Variants in CCDC125 observed in about 807,000 individuals in gnomAD.
The protein encoded by CCDC125 is coiled-coil domain-containing protein 125.
CCDC125 carries 43 observed loss-of-function variants against 57.4 expected under a neutral mutation model. That is an observed-to-expected ratio of 0.75 (90% CI 0.59 to 0.97). CCDC125 has a LOEUF of 0.97. CCDC125 is among the 50% of genes least tolerant of loss of function. The probability of loss-of-function intolerance (pLI) is 0.00; values close to 1 mark genes in which losing one functional copy is unlikely to be tolerated. For missense variants in CCDC125, 563 were observed against 595.7 expected, an observed-to-expected ratio of 0.95 and a Z score of 0.57; for synonymous variants, 187 against 195.2, an observed-to-expected ratio of 0.96 and a Z score of 0.35.
chr5:69,286,264 T>C (rs1204333925), intron 10 of CCDC125, among the ~76,000 whole-genome samples: 14 of 139,006 alleles, frequency 1.0e-4, no homozygotes, highest in South Asian at 4.7e-4. Flanking sequence ...TGGAGTCTTG[T>C]TCTGTCACCC....
intron 9 of CCDC125, among the ~76,000 whole-genome samples, 181 bp from the exon 10 acceptor site, chr5:69,292,543 CTGATCCAGATTATCAGTTTCCCT>C (rs1424857397): frequency 6.6e-6 from 1 of 152,192 alleles, no homozygotes; most frequent in Non-Finnish European, 1.5e-5. Flanking sequence ...GCAACTTACT[CTGATCCAGATTATCAGTTTCCCT>C]TGTGGTGCCT....
In CCDC125 at chr5:69,294,779, T is replaced by G; in HGVS notation, c.924+14A>C. ...AACAAAACTAAAGCTTTTGCTGTTG[T>G]GATAACGCAATACCTCTTGTTTGAG... On this transcript the variant is annotated intron_variant, in intron 9 of 11. Transcript: ENST00000396496. 2 of 1,572,212 alleles carry G rather than the reference T, an allele frequency of 1.3e-6. No individual in the cohort carries two copies. The highest frequency in any genetic ancestry group is 1.7e-6 in the Non-Finnish European group (2 of 1,147,986).
intron 7 of CCDC125, 64 bp downstream of exon 7, chr5:69,303,783 T>C (rs1756890231): frequency 1.0e-6 from 1 of 955,364 alleles, no homozygotes; most frequent in East Asian, 2.5e-5. Context: ...ATGTATATTA[T>C]TTCAAAATAC....
rs766137485 is a variant in CCDC125 at position 69,282,976 on chromosome 5, C to G, written c.1289G>C (p.Arg430Pro). Residue 430 changes from arginine (R) to proline (P), a missense_variant, in exon 12 of 12, where the codon CGG becomes CCG. Arg to Pro is a moderately radical substitution (Grantham distance 103). Transcript: ENST00000396496. ...AGCAGTGTCTTTGTCTTCCAATGCC[C>G]GAGCAAGCATGTAGCTAACTTTTCT... ...HQRKVSYMLARALEDKDTASN... is the reference protein window; with the variant it reads ...HQRKVSYMLAPALEDKDTASN... The G allele has an allele frequency of 3.7e-5, 60 of 1,611,968 alleles. No homozygotes were observed. In the East Asian group the frequency reaches 9.6e-4, roughly 26 times the overall value.
chr5:69,329,440 G>A (rs573640285), intron 1 of CCDC125, among the ~76,000 whole-genome samples: 5 of 151,538 alleles, frequency 3.3e-5, no homozygotes, highest in Admixed American at 2.0e-4. Context: ...CTTCTGCCTC[G>A]GCCTCCCAAA....
At position 69,320,317 on chromosome 5, in the gene CCDC125, T is replaced by A. The variant is rs1432549550; in HGVS notation, c.224A>T (p.Gln75Leu). 1 of 1,614,146 alleles carries A rather than the reference T, an allele frequency of 6.2e-7. No homozygotes were observed. The highest frequency in any genetic ancestry group is 1.3e-5 in the African/African-American group (1 of 75,054). ...KGEERNEASF[Q>L]YSKHKSQQDT... ...TTGCTGGCTCTTATGCTTGGAATAC[T>A]GAAAACTCGCTTCATTTCTTTCTTC... The change falls in exon 2 of 12, where the codon CAG (glutamine) becomes CTG (leucine). Residue 75 changes from glutamine to leucine, a missense_variant. Physicochemically the swap from Gln to Leu is moderately radical, Grantham distance 113. Transcript: ENST00000396496.
At chr5:69,280,068 C>T (rs182775447), downstream of CCDC125, 4 of 152,224 alleles carry the variant, frequency 2.6e-5, no homozygotes, top group African/African-American at 9.6e-5. Context: ...CACCTACCAC[C>T]AAGTCCCTCC....
At chr5:69,279,985 A>G (rs1236172006), downstream of CCDC125, among the ~76,000 whole-genome samples, 2 of 152,192 alleles carry the variant, frequency 1.3e-5, no homozygotes, top group Non-Finnish European at 2.9e-5. Context: ...ACTACCATGT[A>G]TAAAACCATT....
In CCDC125 at chr5:69,320,276, C is replaced by T; in HGVS notation, c.265G>A (p.Val89Met). The change falls in exon 2 of 12, where the codon GTG (valine) becomes ATG (methionine). Residue 89 changes from valine (V) to methionine (M), a missense_variant. By Grantham distance (21) the Val-to-Met change is conservative. Coordinates refer to ENST00000396496, the MANE Select transcript of CCDC125 (RefSeq NM_176816.5). ...HKSQQDTFPQ[V>M]SRISNYRRQS... ...CGTCTGTAATTGGAAATTCTGGACACTTGAGGGAATGTATCTTGCTGGCTC... is the reference window on the plus strand; with the variant it reads ...CGTCTGTAATTGGAAATTCTGGACATTTGAGGGAATGTATCTTGCTGGCTC... The T allele has an allele frequency of 1.9e-6, 3 of 1,614,080 alleles. No individual in the cohort carries two copies. Among genetic ancestry groups the T allele is most frequent in the Non-Finnish European group, 2.5e-6 (3 of 1,180,002 alleles).
chr5:69,290,774 C>T (rs1384120766), intron 10 of CCDC125, among the ~76,000 whole-genome samples: 4 of 151,208 alleles, frequency 2.6e-5, no homozygotes, highest in Non-Finnish European at 5.9e-5. Flanking sequence ...GGACTACAGG[C>T]GCCTGCGACC....
chr5:69,304,044 A>G (rs1756933956), intron 6 of CCDC125, 115 bp from the exon 7 acceptor site: 1 of 596,848 alleles, frequency 1.7e-6, no homozygotes. Flanking sequence ...TCCTACTTCA[A>G]AATAGTCTGG....
At chr5:69,298,604 T>C (rs1755815098) in intron 8 of CCDC125, among the ~76,000 whole-genome samples, 2 of 152,092 alleles carry the variant, frequency 1.3e-5, no homozygotes. Context: ...CCAATATCAA[T>C]CACAACGGGT....
intron 1 of CCDC125, among the ~76,000 whole-genome samples, chr5:69,320,784 G>GGGGT (rs1254005985): frequency 2.0e-5 from 3 of 151,732 alleles, no homozygotes; most frequent in African/African-American, 7.3e-5. Context: ...AATATGGTGT[G>GGGGT]GGGTGTGTGT....
At chr5:69,275,578 A>G (rs1476640503), downstream of CCDC125, among the ~76,000 whole-genome samples, 2 of 152,228 alleles carry the variant, frequency 1.3e-5, no homozygotes, top group Admixed American at 1.3e-4. Context: ...TTTTTGAATG[A>G]TGACGTGATG....
intron 2 of CCDC125, among the ~76,000 whole-genome samples, chr5:69,317,750 T>C (rs1377349435): frequency 1.3e-5 from 2 of 152,194 alleles, no homozygotes; most frequent in African/African-American, 4.8e-5. Flanking sequence ...TAATTTCTTT[T>C]TGGTTATGAT....
downstream of CCDC125, among the ~76,000 whole-genome samples, chr5:69,275,785 C>A (rs895826053): frequency 1.3e-5 from 2 of 152,050 alleles, no homozygotes; most frequent in Non-Finnish European, 2.9e-5. Flanking sequence ...ACAAGCCTGG[C>A]CAATATAGCA....
intron 8 of CCDC125, among the ~76,000 whole-genome samples, chr5:69,298,913 A>G (rs1755861047): frequency 6.6e-6 from 1 of 152,148 alleles, no homozygotes; most frequent in African/African-American, 2.4e-5. Context: ...GTGTGACACC[A>G]GGCAAATTAC....
chr5:69,283,159 A>C (rs1449107889), intron 11 of CCDC125, 125 bp from the exon 12 acceptor site: 1 of 679,104 alleles, frequency 1.5e-6, no homozygotes, highest in Non-Finnish European at 2.4e-6. Flanking sequence ...TCTGTCCATC[A>C]GTATGAATAA....
rs1036019340 is a variant in CCDC125 at position 69,306,830 on chromosome 5, G to T, written c.604C>A (p.Gln202Lys). Residue 202 changes from glutamine to lysine, a missense_variant, in exon 6 of 12, where the codon CAA becomes AAA. Coordinates refer to ENST00000396496, the MANE Select transcript of CCDC125 (RefSeq NM_176816.5). ...RFKNIEESWIQKYDRLNCENA... is the reference protein window; with the variant it reads ...RFKNIEESWIKKYDRLNCENA... Reference sequence around the variant, plus strand: ...TAATATACAAACCTGTCATATTTTTGGATCCAAGATTCCTCTATATTTTTA... The same window carrying T: ...TAATATACAAACCTGTCATATTTTTTGATCCAAGATTCCTCTATATTTTTA... 4.7e-6 allele frequency: 7 copies of T among 1,492,506 alleles called. No homozygotes were observed. Among genetic ancestry groups the T allele is most frequent in the South Asian group, 1.5e-5 (1 of 68,352 alleles). 92.5% of individuals were successfully genotyped at this position (1,492,506 alleles called of 1,614,324 possible).
Sources: gnomAD v4.1 joint callset for allele counts (sites outside exome capture counted in the v4.1 genomes callset) on GRCh38, gnomAD v4.1.1 for gene constraint, MANE v1.5 for transcripts, NCBI Gene and HGNC (gene_info 2026-07-23, HGNC 2026-07-21) for gene names.